The following TMEM132B variants were observed in gnomAD, a reference collection of about 807,000 sequenced individuals.
TMEM132B encodes transmembrane protein 132B.
Under a neutral mutation model 90.8 loss-of-function variants are expected in TMEM132B, and 18 were observed. The ratio of observed to expected loss-of-function variants is 0.20; its 90% CI spans 0.14 to 0.29. The LOEUF (loss-of-function observed/expected upper bound fraction) is 0.29, where lower values mean the gene tolerates loss of function less well. Ranked by LOEUF, TMEM132B falls within the 10% of genes least tolerant of loss-of-function variation. TMEM132B has a pLI of 1.00. For synonymous variants in TMEM132B, 504 were observed against 523.3 expected (o/e 0.96, Z 0.50); for missense variants, 1,096 against 1,326.8 (o/e 0.83, Z 2.70).
intron 2 of TMEM132B, among the ~76,000 whole-genome samples, chr12:125,380,551 G>A (rs890276374): frequency 4.6e-5 from 7 of 152,192 alleles, no homozygotes; most frequent in African/African-American, 1.2e-4. Context: ...TTCCAAGCAC[G>A]TCATTGGAGT....
At chr12:125,401,660 T>G (rs1456089620) in intron 2 of TMEM132B, among the ~76,000 whole-genome samples, 1 of 152,164 alleles carries the variant, frequency 6.6e-6, no homozygotes, top group African/African-American at 2.4e-5. Flanking sequence ...CATACAATAT[T>G]AGCATATTTT....
intron 4 of TMEM132B, among the ~76,000 whole-genome samples, chr12:125,572,902 T>C (rs1884834922): frequency 6.6e-6 from 1 of 152,248 alleles, no homozygotes; most frequent in Admixed American, 6.5e-5. Flanking sequence ...ATTCTACAGA[T>C]TATAATTGAC....
chr12:125,336,273 A>G (rs1876956819), intron 1 of TMEM132B, among the ~76,000 whole-genome samples: 1 of 152,162 alleles, frequency 6.6e-6, no homozygotes, highest in African/African-American at 2.4e-5. Flanking sequence ...GCCTTCTTTC[A>G]CTCAGCATGA....
At chr12:125,205,086 T>C (rs530737352) in intron 1 of TMEM132B, among the ~76,000 whole-genome samples, 1 of 149,226 alleles carries the variant, frequency 6.7e-6, no homozygotes, top group Non-Finnish European at 1.5e-5. Flanking sequence ...CATGAATCCT[T>C]TCAATGAGGG....
intron 5 of TMEM132B, among the ~76,000 whole-genome samples, chr12:125,592,169 A>G (rs945465007): frequency 6.6e-6 from 1 of 152,112 alleles, no homozygotes; most frequent in African/African-American, 2.4e-5. Context: ...TTATGATTTA[A>G]TCTTTATGTG....
At chr12:125,427,889 G>A (rs1880366825) in intron 3 of TMEM132B, among the ~76,000 whole-genome samples, 2 of 152,166 alleles carry the variant, frequency 1.3e-5, no homozygotes, top group South Asian at 2.1e-4. Flanking sequence ...CTTTCTATAG[G>A]TCTGCTGGCA....
rs560624836 is a variant in TMEM132B, at chr12:125,488,933, GA to G, written c.1107-30505del. ...TAAGGGACAAAACTCAACATTCGTA[GA>G]TGAAATTCTAGCCTATTTTAAAGAT... On this transcript the variant is annotated intron_variant, in intron 3 of 8. Transcript: ENST00000682704. 2.0e-4 allele frequency among the ~76,000 whole-genome samples: 30 copies of G among 152,334 alleles called. No individual in the cohort carries two copies. The East Asian group carries it at 5.6e-3, about 28-fold the overall frequency.
At chr12:125,427,539 GA>G (rs1937698386) in intron 3 of TMEM132B, among the ~76,000 whole-genome samples, 1 of 152,190 alleles carries the variant, frequency 6.6e-6, no homozygotes, top group African/African-American at 2.4e-5. Context: ...CGCAGTATCA[GA>G]GTAATCTAAA....
At chr12:125,225,045 T>A (rs573488241) in intron 1 of TMEM132B, among the ~76,000 whole-genome samples, 2 of 152,294 alleles carry the variant, frequency 1.3e-5, no homozygotes, top group African/African-American at 4.8e-5. Context: ...CATGCAGTGG[T>A]TCAGGTGGAA....
At position 125,349,082 on chromosome 12, in the gene TMEM132B, G is replaced by A. The variant is rs554372481; in HGVS notation, c.68-370G>A. 4.1e-4 allele frequency among the ~76,000 whole-genome samples: 62 copies of A among 152,346 alleles called. No homozygotes were observed. Among genetic ancestry groups the A allele is most frequent in the African/African-American group, 1.4e-3 (60 of 41,586 alleles). On this transcript the variant is annotated intron_variant, in intron 1 of 8. Coordinates refer to ENST00000682704, the MANE Select transcript of TMEM132B (RefSeq NM_001366854.1). The surrounding 1 kb of genome is among the most constrained non-coding windows in gnomAD (Gnocchi z 4.1). ...TGTCACATACAATGGTGCAATGCCT[G>A]ATTGGTAGACTTGGTAGGTACGCAA...
chr12:125,410,984 GGAGT>G (rs1316475891), intron 2 of TMEM132B, among the ~76,000 whole-genome samples: 1 of 2,956 alleles, frequency 3.4e-4, no homozygotes, highest in Non-Finnish European at 6.8e-4. Context: ...TGAGTGGAGT[GGAGT>G]GAGTGGAGTG....
At chr12:125,453,967 C>T (rs182380389) in intron 3 of TMEM132B, among the ~76,000 whole-genome samples, 1 of 152,252 alleles carries the variant, frequency 6.6e-6, no homozygotes, top group East Asian at 1.9e-4. Flanking sequence ...ATCCTAGGAA[C>T]AGGGCCAGAC....
intron 3 of TMEM132B, among the ~76,000 whole-genome samples, chr12:125,499,236 T>TA: frequency 6.6e-6 from 1 of 152,374 alleles, no homozygotes; most frequent in East Asian, 1.9e-4. Flanking sequence ...TAGGAAATTC[T>TA]AAAATTTTGA....
Position 125,213,971 on chromosome 12 carries a change from T to C in TMEM132B, c.67+27105T>C, listed in dbSNP as rs960720901. Among the ~76,000 whole-genome samples, 1 of 152,216 alleles carries C rather than the reference T, an allele frequency of 6.6e-6. No individual in the cohort carries two copies. Among genetic ancestry groups the C allele is most frequent in the Non-Finnish European group, 1.5e-5 (1 of 68,032 alleles). On this transcript the variant is annotated intron_variant, in intron 1 of 8. Coordinates refer to ENST00000682704, the MANE Select transcript of TMEM132B (RefSeq NM_001366854.1). The surrounding 1 kb of genome is among the most constrained non-coding windows in gnomAD (Gnocchi z 4.2). ...GATGCTTTTTGTGTGCCAGGGCACA[T>C]AAGTTTGGGGGATAGAGAGAACAAT...
At chr12:125,245,224 AT>A (rs1308206490) in intron 1 of TMEM132B, among the ~76,000 whole-genome samples, 2 of 152,066 alleles carry the variant, frequency 1.3e-5, no homozygotes, top group African/African-American at 4.8e-5. Context: ...AAAAAGGGCA[AT>A]GTTGAAAATG....
chr12:125,292,773 C>T (rs988174314), intron 1 of TMEM132B, among the ~76,000 whole-genome samples: 2 of 152,184 alleles, frequency 1.3e-5, no homozygotes, highest in Non-Finnish European at 2.9e-5. Flanking sequence ...TTCTCTTTCT[C>T]AGTCGGTTCA....
At chr12:125,648,524 TCTC>T (rs1375246855) in intron 6 of TMEM132B, among the ~76,000 whole-genome samples, 1 of 139,590 alleles carries the variant, frequency 7.2e-6, no homozygotes, top group Non-Finnish European at 1.5e-5. Flanking sequence ...GTGTATAAGA[TCTC>T]CTGTTTTTTT....
At chr12:125,619,051 G>A (rs1409675790) in intron 5 of TMEM132B, among the ~76,000 whole-genome samples, 2 of 152,172 alleles carry the variant, frequency 1.3e-5, no homozygotes, top group Non-Finnish European at 2.9e-5. Context: ...TAGAGGCAGT[G>A]GGAAGTGAGT....
intron 3 of TMEM132B, among the ~76,000 whole-genome samples, chr12:125,419,921 T>TG (rs1325642915): frequency 2.0e-5 from 3 of 152,160 alleles, no homozygotes; most frequent in South Asian, 2.1e-4. Context: ...TGAAATCCAG[T>TG]GGGGCACTCA....
Sources: allele counts gnomAD v4.1 joint callset (sites outside exome capture counted in the v4.1 genomes callset), GRCh38; gene constraint gnomAD v4.1.1; non-coding constraint Gnocchi (gnomAD v3.1); transcripts MANE v1.5; gene names NCBI Gene and HGNC (gene_info 2026-07-23, HGNC 2026-07-21).